Variants in LIPC observed in about 807,000 individuals in gnomAD.
LIPC encodes the protein hepatic triacylglycerol lipase.
LIPC carries 44 observed loss-of-function variants against 50.7 expected under a neutral mutation model. The ratio of observed to expected loss-of-function variants is 0.87; its 90% CI spans 0.68 to 1.11. LIPC has a LOEUF of 1.11. Among genes scored for constraint, LIPC ranks in the 50% most tolerant of loss-of-function variants. The pLI, the probability that LIPC is intolerant of heterozygous loss-of-function variation, is 0.00. For synonymous variants in LIPC, 271 were observed against 256.4 expected (o/e 1.06, Z -0.54); for missense variants, 697 against 648.2 (o/e 1.08, Z -0.82).
intron 1 of LIPC, chr15:58,522,798 A>AC (rs1595918165): frequency 6.6e-6 from 1 of 152,376 alleles, no homozygotes; most frequent in East Asian, 1.9e-4. Context: ...TCCCATTGCC[A>AC]CCCACATCTG....
intron 2 of LIPC, among the ~76,000 whole-genome samples, chr15:58,540,838 C>T (rs1202951746): frequency 6.6e-6 from 1 of 152,128 alleles, no homozygotes; most frequent in African/African-American, 2.4e-5. Flanking sequence ...GGGTCTCACT[C>T]TATCGCCCAG....
At chr15:58,513,803 AG>A (rs1156850539) in intron 1 of LIPC, among the ~76,000 whole-genome samples, 1 of 152,146 alleles carries the variant, frequency 6.6e-6, no homozygotes, top group Non-Finnish European at 1.5e-5. Flanking sequence ...TCCACTCACA[AG>A]GGGCTGAGAA....
At chr15:58,452,811 T>G (rs776826362) in intron 1 of LIPC, among the ~76,000 whole-genome samples, 2 of 152,192 alleles carry the variant, frequency 1.3e-5, no homozygotes, top group Non-Finnish European at 1.5e-5. Context: ...CCCATGGGAC[T>G]GGGAGCTGGT....
intron 1 of LIPC, among the ~76,000 whole-genome samples, chr15:58,509,430 A>G (rs952299707): frequency 1.3e-5 from 2 of 152,256 alleles, no homozygotes; most frequent in East Asian, 3.8e-4. Context: ...AGCCACAGGC[A>G]GGTTACTCTC....
chr15:58,490,001 G>GAA lies in LIPC; in HGVS notation c.89-48332_89-48331insAA, dbSNP rs142082161. 5.3e-3 allele frequency among the ~76,000 whole-genome samples: 804 copies of GAA among 151,810 alleles called. 7 individuals carry two copies. Among genetic ancestry groups the GAA allele is most frequent in the African/African-American group, 0.011 (476 of 41,472 alleles). Reference sequence around the variant, plus strand: ...TCACTGTGACCTGCTAATACTGTGGGGAAAAGAAAAAAACAGTACTCATTG... The same window carrying GAA: ...TCACTGTGACCTGCTAATACTGTGGGAAGAAAAGAAAAAAACAGTACTCATTG... On this transcript the variant is annotated intron_variant, in intron 1 of 8. Coordinates refer to ENST00000299022, the MANE Select transcript of LIPC (RefSeq NM_000236.3).
intron 6 of LIPC, among the ~76,000 whole-genome samples, chr15:58,554,526 G>C (rs1893865901): frequency 6.7e-6 from 1 of 150,196 alleles, no homozygotes; most frequent in Non-Finnish European, 1.5e-5. Flanking sequence ...AGGGTAGAAT[G>C]ATAGGCAAAT....
chr15:58,541,098 G>A (rs1893302906), intron 2 of LIPC, among the ~76,000 whole-genome samples: 1 of 152,030 alleles, frequency 6.6e-6, no homozygotes, highest in African/African-American at 2.4e-5. Flanking sequence ...ACCGCGCCCA[G>A]CCCCCACCCA....
At chr15:58,461,306 T>C (rs2140708302) in intron 1 of LIPC, among the ~76,000 whole-genome samples, 1 of 152,274 alleles carries the variant, frequency 6.6e-6, no homozygotes, top group Non-Finnish European at 1.5e-5. Context: ...ACTTTATAGA[T>C]AAGGAAACTG....
intron 8 of LIPC, chr15:58,565,347 C>G: frequency 6.5e-7 from 1 of 1,529,270 alleles, no homozygotes; most frequent in Non-Finnish European, 8.7e-7. Context: ...GGCTGCTCAC[C>G]CTGACAATCC....
chr15:58,537,385 A>G (rs1025986469), intron 1 of LIPC, among the ~76,000 whole-genome samples: 2 of 152,166 alleles, frequency 1.3e-5, no homozygotes. Flanking sequence ...CGGTCAAACA[A>G]CAGAAGGTGA....
chr15:58,512,334 GGT>G (rs1892354399), intron 1 of LIPC, among the ~76,000 whole-genome samples: 1 of 152,108 alleles, frequency 6.6e-6, no homozygotes, highest in Non-Finnish European at 1.5e-5. Flanking sequence ...CCTGACGTCA[GGT>G]CATCCACCTG....
intron 6 of LIPC, among the ~76,000 whole-genome samples, chr15:58,554,952 CAGCCCGTTCCCTGGTGAGCCTCAGAA>C (rs1893884266): frequency 1.3e-5 from 2 of 152,192 alleles, no homozygotes; most frequent in Non-Finnish European, 2.9e-5. Flanking sequence ...GTTCCGTCCC[CAGCCCGTTCCCTGGTGAGCCTCAGAA>C]AGCATGCTGG....
intron 1 of LIPC, among the ~76,000 whole-genome samples, chr15:58,505,922 G>A (rs532832068): frequency 1.4e-4 from 22 of 151,968 alleles, no homozygotes; most frequent in African/African-American, 1.9e-4. Flanking sequence ...CAGTACCCGC[G>A]AGCTCCCTCC....
At chr15:58,452,154 A>T (rs1468701327) in intron 1 of LIPC, among the ~76,000 whole-genome samples, 1 of 152,166 alleles carries the variant, frequency 6.6e-6, no homozygotes, top group Non-Finnish European at 1.5e-5. Context: ...GTGATTCTCA[A>T]ATTGTGGCCC....
intron 1 of LIPC, among the ~76,000 whole-genome samples, chr15:58,520,112 G>GTTTTTT (rs10631480): frequency 8.1e-6 from 1 of 123,538 alleles, no homozygotes; most frequent in Non-Finnish European, 1.7e-5. Context: ...GTTTTGGGCT[G>GTTTTTT]TTTTTTTTTT....
At chr15:58,504,496 A>G (rs1245921905) in intron 1 of LIPC, among the ~76,000 whole-genome samples, 1 of 152,172 alleles carries the variant, frequency 6.6e-6, no homozygotes, top group Non-Finnish European at 1.5e-5. Flanking sequence ...GGTCTTCCAG[A>G]TGGCCAGGAA....
intron 7 of LIPC, 38 bp downstream of exon 7, chr15:58,561,019 C>CGT (rs1894143321): frequency 1.0e-6 from 1 of 954,696 alleles, no homozygotes; most frequent in Non-Finnish European, 1.7e-6. Context: ...TGATGACACA[C>CGT]TTATTTTTCT....
At chr15:58,484,497 A>G (rs535248682) in intron 1 of LIPC, among the ~76,000 whole-genome samples, 8 of 152,286 alleles carry the variant, frequency 5.3e-5, no homozygotes, top group Non-Finnish European at 7.3e-5. Context: ...TGGGCCAGGC[A>G]TCATGCTAAT....
rs778975898 is a variant in LIPC, at chr15:58,560,943, C to T, written c.1131C>T (p.Leu377=). Residue 377 remains leucine, a synonymous_variant, in exon 7 of 9, where the codon CTC becomes CTT. Transcript: ENST00000299022. Reference sequence around the variant, plus strand: ...AAACAACTTTTACCATGTCACTACTCGGAACAAAAGAGAAAATGCAGAAAA... The same window carrying T: ...AAACAACTTTTACCATGTCACTACTTGGAACAAAAGAGAAAATGCAGAAAA... ...PIQTTFTMSL[L]GTKEKMQKIP... is the part of the protein sequence containing the mutation. 59 of 1,571,318 alleles carry T rather than the reference C, an allele frequency of 3.8e-5. No individual in the cohort carries two copies. Among genetic ancestry groups the T allele is most frequent in the South Asian group, 1.8e-4 (16 of 90,160 alleles).
Sources: allele counts gnomAD v4.1 joint callset (sites outside exome capture counted in the v4.1 genomes callset), GRCh38; gene constraint gnomAD v4.1.1; transcripts MANE v1.5; gene names NCBI Gene and HGNC (gene_info 2026-07-23, HGNC 2026-07-21).